BEND4: variants seen among roughly 807,000 people sequenced by gnomAD.
BEND4 encodes the protein BEN domain-containing protein 4.
A neutral mutation model predicts 54.7 loss-of-function variants in BEND4; 27 were observed. The observed-to-expected ratio is 0.49, with a 90% CI of 0.36 to 0.68. The LOEUF is 0.68. BEND4 is among the 30% of genes least tolerant of loss of function. The pLI is 0.00. For synonymous variants in BEND4, 327 were observed against 299.5 expected, an observed-to-expected ratio of 1.09 and a Z score of -0.95; for missense variants, 702 against 697.2, an observed-to-expected ratio of 1.01 and a Z score of -0.08.
chr4:42,138,845 C>T (rs967966504), intron 3 of BEND4, among the ~76,000 whole-genome samples: 1 of 151,950 alleles, frequency 6.6e-6, no homozygotes, highest in African/African-American at 2.4e-5. Context: ...ATTCTAAGAC[C>T]CAGAGTTTTT....
rs1720987785 is a variant in BEND4, at chr4:42,143,934, T to G, written c.548A>C (p.Asn183Thr). ...QQCSRVLSLL[N>T]CGGKLLDSNH... ...GGAGTCCAGGAGTTTTCCTCCACAA[T>G]TTAAGAGGCTAAGAACTCGACTGCA... is the stretch of plus-strand genomic sequence containing the variant. Residue 183 changes from asparagine to threonine, a missense_variant, in exon 3 of 6, where the codon AAT becomes ACT. Physicochemically the swap from Asn to Thr is moderately conservative, Grantham distance 65 (BLOSUM62 0). Coordinates refer to ENST00000502486, the MANE Select transcript of BEND4 (RefSeq NM_207406.4). The G allele has an allele frequency of 1.3e-6, 2 of 1,538,132 alleles. No homozygotes were observed. Among genetic ancestry groups the G allele is most frequent in the Admixed American group, 4.2e-5 (2 of 47,370 alleles).
intron 2 of BEND4, among the ~76,000 whole-genome samples, chr4:42,146,678 C>T (rs903323825): frequency 6.6e-6 from 1 of 152,196 alleles, no homozygotes; most frequent in African/African-American, 2.4e-5. Flanking sequence ...CAGCAGTTTT[C>T]ATTCATTTTA....
chr4:42,130,132 A>C (rs1720451216), intron 3 of BEND4, among the ~76,000 whole-genome samples: 1 of 152,264 alleles, frequency 6.6e-6, no homozygotes, highest in African/African-American at 2.4e-5. Context: ...TTATGTGGCC[A>C]ACAAACATAT....
Position 42,132,166 on chromosome 4 carries a change from C to T in BEND4, c.1055-6492G>A, listed in dbSNP as rs201800673. 2.4e-4 allele frequency among the ~76,000 whole-genome samples: 37 copies of T among 152,368 alleles called. No homozygotes were observed. The East Asian group carries it at 3.1e-3, about 13-fold the overall frequency. ...GAAATTGTGGAAAACCTCCTGTCCT[C>T]GTGTCCCTCGGTTCTGTTAACCTAA... On this transcript the variant is annotated intron_variant, in intron 3 of 5. Coordinates refer to ENST00000502486, the MANE Select transcript of BEND4 (RefSeq NM_207406.4).
chr4:42,118,767 C>T (rs996348543), intron 5 of BEND4, among the ~76,000 whole-genome samples: 2 of 152,212 alleles, frequency 1.3e-5, no homozygotes, highest in African/African-American at 4.8e-5. Flanking sequence ...AAGCTCAACA[C>T]TGCCCCTTGG....
intron 3 of BEND4, among the ~76,000 whole-genome samples, chr4:42,137,770 A>T (rs1241298364): frequency 6.6e-6 from 1 of 152,222 alleles, no homozygotes; most frequent in African/African-American, 2.4e-5. Flanking sequence ...AAAAACAAAT[A>T]ACCCAATTAC....
intron 4 of BEND4, among the ~76,000 whole-genome samples, chr4:42,122,476 C>T (rs1010004277): frequency 6.6e-6 from 1 of 152,276 alleles, no homozygotes; most frequent in Admixed American, 6.5e-5. Context: ...CAGTAGAGCA[C>T]GGGCCTCTGT....
intron 5 of BEND4, among the ~76,000 whole-genome samples, chr4:42,118,005 A>T (rs753670679): frequency 6.6e-6 from 1 of 152,086 alleles, no homozygotes; most frequent in African/African-American, 2.4e-5. Context: ...ATAAAAGGTA[A>T]ATTTGATTTG....
intron 2 of BEND4, among the ~76,000 whole-genome samples, chr4:42,145,627 G>A (rs1344639913): frequency 6.6e-6 from 1 of 151,436 alleles, no homozygotes; most frequent in Admixed American, 6.6e-5. Context: ...AGAAGACAGA[G>A]GTTGCAGTGA....
intron 3 of BEND4, among the ~76,000 whole-genome samples, chr4:42,127,707 T>C (rs888971002): frequency 1.8e-4 from 28 of 152,218 alleles, no homozygotes; most frequent in African/African-American, 6.8e-4. Context: ...CTTCACAGTT[T>C]ATGGTTAGAA....
intron 4 of BEND4, 113 bp downstream of exon 4, chr4:42,125,470 C>T (rs576244714): frequency 3.9e-6 from 3 of 769,494 alleles, no homozygotes; most frequent in South Asian, 1.5e-5. Flanking sequence ...GACCCATAAA[C>T]CTCAGTCAAA....
chr4:42,151,122 A>C (rs1721257091), intron 2 of BEND4: 1 of 152,404 alleles, frequency 6.6e-6, no homozygotes, highest in African/African-American at 2.4e-5. Flanking sequence ...GGAAAAACGG[A>C]ACTGAGAGCC....
Position 42,120,088 on chromosome 4 carries a change from GCGTCTTTCGGGA to G in BEND4, c.1341_1352del (p.Glu449_Pro452del). 6.2e-7 allele frequency: 1 copy of G among 1,613,952 alleles called. No homozygotes were observed. Among genetic ancestry groups the G allele is most frequent in the Non-Finnish European group, 8.5e-7 (1 of 1,179,848 alleles). On this transcript the variant is annotated inframe_deletion, in exon 5 of 6. Transcript: ENST00000502486. Reference sequence around the variant, plus strand: ...ATGTTACTTTAACTGGATCCAGAGGGCGTCTTTCGGGACCTGTCTCTCCTGACTGCACTGACC... The same window carrying G: ...ATGTTACTTTAACTGGATCCAGAGGGCCTGTCTCTCCTGACTGCACTGACC...
chr4:42,126,172 T>A (rs1206940589), intron 3 of BEND4, among the ~76,000 whole-genome samples: 2 of 152,232 alleles, frequency 1.3e-5, no homozygotes, highest in Non-Finnish European at 2.9e-5. Context: ...TTGGAAAGAA[T>A]TTTTAGGCTC....
Position 42,120,195 on chromosome 4 carries a change from G to A in BEND4, c.1246C>T (p.Arg416Ter). Residue 416 changes from arginine (R) to a stop codon, truncating the protein, a stop_gained, in exon 5 of 6, where the codon CGA (arginine) becomes TGA (stop). Coordinates refer to ENST00000502486, the MANE Select transcript of BEND4 (RefSeq NM_207406.4). LOFTEE classifies it high-confidence loss of function. ...SSKKDGRRLLRYLIRFVFTTD... is the reference protein window; with the variant it reads ...SSKKDGRRLL ...GTGAAAACAAATCTGATGAGGTATC[G>A]AAGGAGCCGTCTCCCATCTTTCTTT... 1.9e-6 allele frequency: 3 copies of A among 1,613,814 alleles called. No individual in the cohort carries two copies. The highest frequency in any genetic ancestry group is 1.7e-6 in the Non-Finnish European group (2 of 1,179,854).
At chr4:42,119,917 TG>T in intron 5 of BEND4, 136 bp downstream of exon 5, 1 of 1,077,182 alleles carries the variant, frequency 9.3e-7, no homozygotes, top group Non-Finnish European at 1.4e-6. Flanking sequence ...ACTGAGTAGA[TG>T]GGCCACATGA....
chr4:42,152,291 C>A lies in BEND4; in HGVS notation c.-148G>T. 1 of 780,258 alleles carries A rather than the reference C, an allele frequency of 1.3e-6. No individual in the cohort carries two copies. The highest frequency in any genetic ancestry group is 1.7e-6 in the Non-Finnish European group (1 of 583,716). The allele number at this position is 780,258 out of a possible 1,614,324, so 48.3% of individuals were successfully genotyped here. On this transcript the variant is annotated 5_prime_UTR_variant, in exon 2 of 6. Coordinates refer to ENST00000502486, the MANE Select transcript of BEND4 (RefSeq NM_207406.4). ...TCTGTGCCGTGGCCGCCGCCGCCGC[C>A]GCCTGTCGCTGAGGCTGGCATCGCC...
At chr4:42,131,227 T>C (rs1432825111) in intron 3 of BEND4, among the ~76,000 whole-genome samples, 1 of 152,178 alleles carries the variant, frequency 6.6e-6, no homozygotes. Context: ...ACTTAAAATA[T>C]ATAAAATAAA....
At chr4:42,128,808 C>T (rs1176724342) in intron 3 of BEND4, among the ~76,000 whole-genome samples, 1 of 151,608 alleles carries the variant, frequency 6.6e-6, no homozygotes, top group East Asian at 1.9e-4. Flanking sequence ...TGGTGGTGGG[C>T]GCCTGTAGTC....
Sources: allele counts gnomAD v4.1 joint callset (sites outside exome capture counted in the v4.1 genomes callset), GRCh38; gene constraint gnomAD v4.1.1; transcripts MANE v1.5; gene names NCBI Gene and HGNC (gene_info 2026-07-23, HGNC 2026-07-21).